The following CYP2J2 variants were observed in gnomAD, a reference collection of about 807,000 sequenced individuals.
CYP2J2 encodes the protein cytochrome P450 2J2.
Under a neutral mutation model 48.8 loss-of-function variants are expected in CYP2J2, and 41 were observed. The observed-to-expected ratio is 0.84, with a 90% CI of 0.66 to 1.09. The LOEUF (loss-of-function observed/expected upper bound fraction) is 1.09. Among genes scored for constraint, CYP2J2 ranks in the 50% least tolerant of loss-of-function variants. The pLI, the probability that CYP2J2 is intolerant of heterozygous loss-of-function variation, is 0.00. For synonymous variants in CYP2J2, 221 were observed against 227.1 expected (o/e 0.97, Z 0.24); for missense variants, 644 against 617.3 (o/e 1.04, Z -0.46).
intron 1 of CYP2J2, among the ~76,000 whole-genome samples, chr1:59,917,480 G>A (rs1361582893): frequency 6.6e-6 from 1 of 152,206 alleles, no homozygotes; most frequent in East Asian, 1.9e-4. Flanking sequence ...AGGTGACAAA[G>A]CTATTGAGTG....
Position 59,893,639 on chromosome 1 carries a change from T to C in CYP2J2, c.*12A>G. The C allele has an allele frequency of 1.9e-6, 3 of 1,570,010 alleles. No individual in the cohort carries two copies. Among genetic ancestry groups the C allele is most frequent in the Middle Eastern group, 1.7e-4 (1 of 5,884 alleles). On this transcript the variant is annotated 3_prime_UTR_variant, in exon 9 of 9. Transcript: ENST00000371204. ...CTTCTTACTTTCCTTGCCCCTTTCT[T>C]TCTTAACAATATTACACCTGAGGAA... is the stretch of plus-strand genomic sequence containing the variant.
the CYP2J2 span, among the ~76,000 whole-genome samples, chr1:59,946,539 G>A: frequency 1.6e-4 from 25 of 152,250 alleles, no homozygotes; most frequent in South Asian, 4.4e-3. Context: ...GAGGGGAAAG[G>A]TTTTTGTCTG....
chr1:59,940,056 A>G, the CYP2J2 span, among the ~76,000 whole-genome samples: 1 of 152,268 alleles, frequency 6.6e-6, no homozygotes, highest in African/African-American at 2.4e-5. Flanking sequence ...CCAAGAGCTC[A>G]CTTTGTGCTC....
intron 1 of CYP2J2, among the ~76,000 whole-genome samples, chr1:59,924,550 T>G (rs553013190): frequency 6.6e-6 from 1 of 152,138 alleles, no homozygotes; most frequent in Non-Finnish European, 1.5e-5. Context: ...GGTTGCAAGA[T>G]ATCTATATTT....
At chr1:59,953,483 T>TAG in the CYP2J2 span, among the ~76,000 whole-genome samples, 1 of 151,004 alleles carries the variant, frequency 6.6e-6, no homozygotes, top group South Asian at 2.1e-4. Flanking sequence ...CATAAGTTGA[T>TAG]AGAGAGAGAC....
At chr1:59,965,144 C>G in the CYP2J2 span, among the ~76,000 whole-genome samples, 1 of 152,128 alleles carries the variant, frequency 6.6e-6, no homozygotes, top group Non-Finnish European at 1.5e-5. Context: ...AAGGGTGAAG[C>G]AAGTTTAACA....
At chr1:59,946,313 C>T in the CYP2J2 span, among the ~76,000 whole-genome samples, 8 of 152,158 alleles carry the variant, frequency 5.3e-5, no homozygotes, top group Admixed American at 4.6e-4. Context: ...AAGCTGTTTC[C>T]CAAGATAGCT....
rs79222846 is a variant in CYP2J2, at chr1:59,907,519, T to C, written c.1003+267A>G. ...CAGAAAGTTAACTGTTTCCTGGAAC[T>C]ATCTCAATGTCGACTGACTTCGTTG... On this transcript the variant is annotated intron_variant, in intron 6 of 8. Transcript: ENST00000371204. 2.8e-4 allele frequency among the ~76,000 whole-genome samples: 42 copies of C among 152,354 alleles called. No individual in the cohort carries two copies. In the East Asian group the frequency reaches 7.3e-3, roughly 27 times the overall value.
At chr1:59,926,796 A>G (rs1343076610), upstream of CYP2J2, 3 of 1,519,842 alleles carry the variant, frequency 2.0e-6, no homozygotes, top group Non-Finnish European at 2.7e-6. Context: ...CGGCGGTCCC[A>G]GCAGGCGACG....
At chr1:59,898,092 T>C (rs1644285307) in intron 8 of CYP2J2, among the ~76,000 whole-genome samples, 1 of 152,224 alleles carries the variant, frequency 6.6e-6, no homozygotes, top group Non-Finnish European at 1.5e-5. Flanking sequence ...GAAAGAGAGA[T>C]GGTAAGAACA....
chr1:59,940,165 C>G, the CYP2J2 span, among the ~76,000 whole-genome samples: 1 of 152,080 alleles, frequency 6.6e-6, no homozygotes, highest in Non-Finnish European at 1.5e-5. Flanking sequence ...TAGCCACCAC[C>G]GCTGGGAATT....
intron 8 of CYP2J2, 90 bp downstream of exon 8, chr1:59,900,875 T>C (rs1466137240): frequency 6.9e-7 from 1 of 1,454,924 alleles, no homozygotes; most frequent in Non-Finnish European, 9.5e-7. Context: ...TCTGGAGACA[T>C]TCCAATGAAA....
At chr1:59,907,960 G>C (rs1201904707) in intron 5 of CYP2J2, 33 bp from the exon 6 acceptor site, 2 of 1,609,956 alleles carry the variant, frequency 1.2e-6, no homozygotes, top group Admixed American at 3.3e-5. Flanking sequence ...TTATTTATTG[G>C]TTTATTCAGA....
In CYP2J2 at chr1:59,900,996, C is replaced by G; in HGVS notation, c.1299G>C (p.Lys433Asn). ...PDHFLENGQF[K>N]KREAFMPFSI... ...AGAAAGGCATAAAGGCTTCCCTTTT[C>G]TTAAACTGTCCATTCTCCAGAAAAT... The change falls in exon 8 of 9, where the codon AAG becomes AAC. Residue 433 changes from lysine to asparagine, a missense_variant. Lys to Asn is a moderately conservative substitution (Grantham distance 94). Transcript: ENST00000371204. The G allele has an allele frequency of 6.2e-7, 1 of 1,614,158 alleles. No individual in the cohort carries two copies. The highest frequency in any genetic ancestry group is 8.5e-7 in the Non-Finnish European group (1 of 1,180,000).
At chr1:59,955,629 G>T in the CYP2J2 span, among the ~76,000 whole-genome samples, 1 of 151,994 alleles carries the variant, frequency 6.6e-6, no homozygotes, top group African/African-American at 2.4e-5. Flanking sequence ...ACCAATGAGG[G>T]ACACATCCTA....
intron 8 of CYP2J2, among the ~76,000 whole-genome samples, chr1:59,894,389 C>T (rs1644251015): frequency 6.6e-6 from 1 of 152,158 alleles, no homozygotes; most frequent in Non-Finnish European, 1.5e-5. Flanking sequence ...AGTGGTTCTT[C>T]TTATGCACAG....
upstream of CYP2J2, among the ~76,000 whole-genome samples, chr1:59,931,013 T>G (rs1373048916): frequency 2.0e-5 from 3 of 152,110 alleles, no homozygotes; most frequent in Non-Finnish European, 1.5e-5. Context: ...TGAATGGAGC[T>G]TGGAAGTCAT....
intron 4 of CYP2J2, among the ~76,000 whole-genome samples, chr1:59,910,719 G>GCCCA (rs1295370934): frequency 6.6e-6 from 1 of 152,106 alleles, no homozygotes; most frequent in African/African-American, 2.4e-5. Flanking sequence ...GAAGAAGAAA[G>GCCCA]CCCAGGGTAT....
chr1:59,955,283 T>G, the CYP2J2 span, among the ~76,000 whole-genome samples: 3 of 107,480 alleles, frequency 2.8e-5, no homozygotes, highest in African/African-American at 1.6e-4. Context: ...TATATCCATA[T>G]ATATATATCC....
Sources: allele counts gnomAD v4.1 joint callset (sites outside exome capture counted in the v4.1 genomes callset), GRCh38; gene constraint gnomAD v4.1.1; transcripts MANE v1.5; gene names NCBI Gene and HGNC (gene_info 2026-07-23, HGNC 2026-07-21).